RABGAP1L: variants seen among roughly 807,000 people sequenced by gnomAD.
RABGAP1L encodes RAB GTPase activating protein 1 like, also known as rab GTPase-activating protein 1-like.
A neutral mutation model predicts 137.7 loss-of-function variants in RABGAP1L; 63 were observed. The observed-to-expected ratio is 0.46, with a 90% CI of 0.37 to 0.56. The LOEUF (loss-of-function observed/expected upper bound fraction) is 0.56. RABGAP1L is among the 20% of genes least tolerant of loss of function. The probability of loss-of-function intolerance (pLI) is 0.00; values close to 1 mark genes in which losing one functional copy is unlikely to be tolerated. For missense variants in RABGAP1L, 1,095 were observed against 1,244.0 expected (o/e 0.88, Z 1.80); for synonymous variants, 431 against 433.7 (o/e 0.99, Z 0.08).
chr1:174,920,178 T>G (rs1226179396), intron 19 of RABGAP1L, among the ~76,000 whole-genome samples: 1 of 152,222 alleles, frequency 6.6e-6, no homozygotes, highest in African/African-American at 2.4e-5. Context: ...CATTTTCACA[T>G]GCTAATAAAG....
chr1:174,644,708 G>T (rs1046273993), intron 14 of RABGAP1L, among the ~76,000 whole-genome samples: 19 of 152,032 alleles, frequency 1.2e-4, no homozygotes, highest in African/African-American at 3.9e-4. Context: ...GTTCTTGAAT[G>T]GATTATTTTA....
chr1:174,163,766 C>A (rs927577974), intron 1 of RABGAP1L, among the ~76,000 whole-genome samples: 1 of 151,514 alleles, frequency 6.6e-6, no homozygotes, highest in Non-Finnish European at 1.5e-5. Context: ...GAAAATAAGA[C>A]AGTTTTTTTT....
intron 17 of RABGAP1L, among the ~76,000 whole-genome samples, chr1:174,720,249 G>GTAGATAGATAGA (rs370669512): frequency 1.9e-4 from 27 of 143,778 alleles, no homozygotes; most frequent in Non-Finnish European, 2.0e-4. Context: ...CTAGCTAGAT[G>GTAGATAGATAGA]TAGATAGATA....
intron 20 of RABGAP1L, chr1:174,958,149 G>T: frequency 4.1e-6 from 6 of 1,472,772 alleles, no homozygotes; most frequent in Non-Finnish European, 4.5e-6. Context: ...CAACTCACTT[G>T]GAAGGAAAAA....
At chr1:174,653,463 A>G (rs1219370333) in intron 14 of RABGAP1L, among the ~76,000 whole-genome samples, 1 of 152,204 alleles carries the variant, frequency 6.6e-6, no homozygotes, top group Non-Finnish European at 1.5e-5. Context: ...TGCAAAGACC[A>G]TGGGAAAAGT....
At chr1:174,313,164 T>A (rs773711724) in intron 11 of RABGAP1L, among the ~76,000 whole-genome samples, 4 of 152,130 alleles carry the variant, frequency 2.6e-5, no homozygotes, top group Non-Finnish European at 5.9e-5. Flanking sequence ...GACCTTGTGA[T>A]CTGCCCGCCT....
intron 13 of RABGAP1L, among the ~76,000 whole-genome samples, chr1:174,467,330 T>C (rs1266976717): frequency 6.6e-6 from 1 of 152,054 alleles, no homozygotes; most frequent in African/African-American, 2.4e-5. Flanking sequence ...GGGTCTACAG[T>C]TTCTCAAAGA....
chr1:174,283,982 G>C (rs1267591464), intron 10 of RABGAP1L, among the ~76,000 whole-genome samples: 2 of 152,056 alleles, frequency 1.3e-5, no homozygotes, highest in Non-Finnish European at 2.9e-5. Context: ...TTTCATCTCA[G>C]GGTATAATTG....
intron 17 of RABGAP1L, among the ~76,000 whole-genome samples, chr1:174,741,058 TG>T (rs374979815): frequency 0.22 from 31,533 of 141,178 alleles, 3,864 homozygotes; most frequent in East Asian, 0.36. Flanking sequence ...TTTTTTTTTT[TG>T]TGTGTGGGAG....
intron 18 of RABGAP1L, among the ~76,000 whole-genome samples, chr1:174,756,676 G>A (rs1319481696): frequency 1.3e-5 from 2 of 152,092 alleles, no homozygotes; most frequent in Non-Finnish European, 2.9e-5. Flanking sequence ...ATGCAAGAGT[G>A]AGAATCCAAA....
chr1:174,199,757 A>C (rs981750416), intron 1 of RABGAP1L, among the ~76,000 whole-genome samples: 6 of 152,196 alleles, frequency 3.9e-5, no homozygotes, highest in African/African-American at 1.4e-4. Context: ...GGTTTCCATG[A>C]GTCAAAAATC....
At chr1:174,867,602 A>G (rs1459481447) in intron 19 of RABGAP1L, among the ~76,000 whole-genome samples, 1 of 152,126 alleles carries the variant, frequency 6.6e-6, no homozygotes, top group Non-Finnish European at 1.5e-5. Context: ...AGCCTTTGTA[A>G]TCACATGTTT....
At chr1:174,755,008 A>T (rs1684622302) in intron 18 of RABGAP1L, among the ~76,000 whole-genome samples, 1 of 152,242 alleles carries the variant, frequency 6.6e-6, no homozygotes, top group Non-Finnish European at 1.5e-5. Flanking sequence ...TAATGGTATT[A>T]GCCAGAGAAA....
At chr1:174,234,323 G>A (rs1287192790) in intron 4 of RABGAP1L, among the ~76,000 whole-genome samples, 2 of 126,524 alleles carry the variant, frequency 1.6e-5, no homozygotes, top group African/African-American at 4.0e-5. Context: ...TTGGTGTTTT[G>A]GACATGAAGT....
At chr1:174,345,616 G>A (rs945176338) in intron 11 of RABGAP1L, among the ~76,000 whole-genome samples, 3 of 152,110 alleles carry the variant, frequency 2.0e-5, no homozygotes, top group Admixed American at 6.5e-5. Flanking sequence ...GCATTTTACT[G>A]AATTTATCAG....
At chr1:174,574,495 T>G (rs182162093) in intron 13 of RABGAP1L, among the ~76,000 whole-genome samples, 11 of 152,300 alleles carry the variant, frequency 7.2e-5, no homozygotes, top group Admixed American at 5.9e-4. Context: ...AGATAGAAAT[T>G]TGTCTCTCCT....
At chr1:174,190,896 C>T (rs1449129776) in intron 1 of RABGAP1L, among the ~76,000 whole-genome samples, 1 of 152,044 alleles carries the variant, frequency 6.6e-6, no homozygotes, top group African/African-American at 2.4e-5. Flanking sequence ...TATTAATTGG[C>T]CTATTTTCAA....
chr1:174,421,195 A>G (rs1651245965), intron 13 of RABGAP1L, among the ~76,000 whole-genome samples: 1 of 152,170 alleles, frequency 6.6e-6, no homozygotes, highest in African/African-American at 2.4e-5. Context: ...TTTATCTTGA[A>G]GGGTAGTCCA....
chr1:174,800,007 T>A, intron 18 of RABGAP1L: 1 of 1,115,960 alleles, frequency 9.0e-7, no homozygotes, highest in Non-Finnish European at 1.1e-6. Flanking sequence ...TGCTAGACCC[T>A]TCTAAGCAGC....
Sources: allele counts gnomAD v4.1 joint callset (sites outside exome capture counted in the v4.1 genomes callset), GRCh38; gene constraint gnomAD v4.1.1; transcripts MANE v1.5; gene names NCBI Gene and HGNC (gene_info 2026-07-23, HGNC 2026-07-21).